Variants in CNTN5 observed in about 807,000 individuals in gnomAD.
CNTN5 encodes contactin 5.
Under a neutral mutation model 129.1 loss-of-function variants are expected in CNTN5, and 77 were observed. The ratio of observed to expected loss-of-function variants is 0.60; its 90% CI spans 0.50 to 0.72. CNTN5 has a LOEUF of 0.72. Ranked by LOEUF, CNTN5 falls within the 30% of genes least tolerant of loss-of-function variation. CNTN5 has a pLI of 0.00. For missense variants in CNTN5, 1,478 were observed against 1,328.8 expected, an observed-to-expected ratio of 1.11 and a Z score of -1.75; for synonymous variants, 509 against 465.6, an observed-to-expected ratio of 1.09 and a Z score of -1.20.
At chr11:99,962,607 G>T (rs948511875) in intron 8 of CNTN5, among the ~76,000 whole-genome samples, 1 of 150,724 alleles carries the variant, frequency 6.6e-6, no homozygotes, top group Non-Finnish European at 1.5e-5. Context: ...GAATAATGCC[G>T]CAATAAACAT....
intron 9 of CNTN5, among the ~76,000 whole-genome samples, chr11:100,005,123 C>T (rs1054204616): frequency 1.3e-5 from 2 of 152,166 alleles, no homozygotes; most frequent in Non-Finnish European, 2.9e-5. Context: ...TTACTTATTC[C>T]TAGTGCCTAC....
chr11:100,230,708 C>T (rs1318350969), intron 16 of CNTN5, among the ~76,000 whole-genome samples: 1 of 152,154 alleles, frequency 6.6e-6, no homozygotes, highest in Non-Finnish European at 1.5e-5. Flanking sequence ...ATACTGAGTG[C>T]CTGCCAAAAG....
At chr11:99,929,720 A>G (rs1477794183) in intron 7 of CNTN5, among the ~76,000 whole-genome samples, 1 of 152,266 alleles carries the variant, frequency 6.6e-6, no homozygotes, top group East Asian at 1.9e-4. Context: ...ATTATCCTCC[A>G]CTGGTTCCCT....
chr11:99,319,138 G>A (rs1565487669), intron 1 of CNTN5, among the ~76,000 whole-genome samples: 1 of 152,310 alleles, frequency 6.6e-6, no homozygotes, highest in African/African-American at 2.4e-5. Flanking sequence ...GCACTGGGTT[G>A]AAGCTTAAAT....
At chr11:99,820,190 T>A (rs79975853) in intron 4 of CNTN5, among the ~76,000 whole-genome samples, 844 of 28,954 alleles carry the variant, frequency 0.029, 5 homozygotes, top group African/African-American at 0.087. Context: ...TTTGTATGCA[T>A]TATTATGTAA....
intron 7 of CNTN5, among the ~76,000 whole-genome samples, chr11:99,938,865 A>T (rs1434451480): frequency 6.6e-6 from 1 of 152,116 alleles, no homozygotes; most frequent in East Asian, 1.9e-4. Context: ...AATAAATGGT[A>T]AAGGAAGGAT....
intron 14 of CNTN5, among the ~76,000 whole-genome samples, chr11:100,192,853 C>G (rs1948532463): frequency 6.6e-6 from 1 of 151,964 alleles, no homozygotes; most frequent in Admixed American, 6.6e-5. Flanking sequence ...TTCTACCTTT[C>G]TTTATATATG....
chr11:99,577,823 T>TTTC (rs35420666), intron 3 of CNTN5, among the ~76,000 whole-genome samples: 2 of 147,980 alleles, frequency 1.4e-5, no homozygotes, highest in African/African-American at 2.5e-5. Context: ...AAGATTTTCT[T>TTTC]TTATTATTAT....
At chr11:99,618,297 A>G (rs866924027) in intron 3 of CNTN5, among the ~76,000 whole-genome samples, 40 of 152,328 alleles carry the variant, frequency 2.6e-4, no homozygotes, top group African/African-American at 8.9e-4. Flanking sequence ...AATAGTCTTC[A>G]TGAAATTCTT....
intron 9 of CNTN5, among the ~76,000 whole-genome samples, chr11:100,019,551 T>C (rs1713504494): frequency 6.6e-6 from 1 of 151,960 alleles, no homozygotes; most frequent in Non-Finnish European, 1.5e-5. Context: ...TGAATAATAT[T>C]CCATTATGTA....
Position 99,839,125 on chromosome 11 carries a change from A to G in CNTN5, c.278-5727A>G, listed in dbSNP as rs118152375. On this transcript the variant is annotated intron_variant, in intron 4 of 24. Transcript: ENST00000524871. Reference sequence around the variant, plus strand: ...TTGAAATACAATTAAAACAAACAAGATTAAAAAGGAGGCATGAAAAGGTTA... The same window carrying G: ...TTGAAATACAATTAAAACAAACAAGGTTAAAAAGGAGGCATGAAAAGGTTA... Among the ~76,000 whole-genome samples the G allele has an allele frequency of 6.3e-3, 967 of 152,298 alleles. 5 individuals carry two copies. The highest frequency in any genetic ancestry group is 0.01 in the Non-Finnish European group (694 of 68,024).
At position 100,330,595 on chromosome 11, in the gene CNTN5, G is replaced by GA. The variant is rs1951887115; in HGVS notation, c.2731-9866dup. ...GAGGCAAAAGCATCAGGTAACCTATGAAGGAAAACCTATCAGAGCAACAGC... is the reference window on the plus strand; with the variant it reads ...GAGGCAAAAGCATCAGGTAACCTATGAAAGGAAAACCTATCAGAGCAACAGC... On this transcript the variant is annotated intron_variant, in intron 21 of 24. Coordinates refer to ENST00000524871, the MANE Select transcript of CNTN5 (RefSeq NM_014361.4). 4.6e-5 allele frequency among the ~76,000 whole-genome samples: 7 copies of GA among 152,246 alleles called. No homozygotes were observed. The South Asian group carries it at 1.4e-3, about 32-fold the overall frequency.
At chr11:99,421,692 T>C (rs1942895697) in intron 2 of CNTN5, among the ~76,000 whole-genome samples, 1 of 152,114 alleles carries the variant, frequency 6.6e-6, no homozygotes, top group African/African-American at 2.4e-5. Context: ...AAATATACAT[T>C]TAGGGGTAAT....
intron 9 of CNTN5, among the ~76,000 whole-genome samples, chr11:100,035,480 A>G (rs1941941231): frequency 1.4e-5 from 2 of 147,044 alleles, no homozygotes; most frequent in African/African-American, 2.6e-5. Flanking sequence ...CTTTGGGTAT[A>G]TACCCAGTAA....
intron 13 of CNTN5, among the ~76,000 whole-genome samples, chr11:100,099,026 G>A (rs759549398): frequency 1.1e-4 from 16 of 151,970 alleles, no homozygotes; most frequent in Non-Finnish European, 2.4e-4. Context: ...AAAGACAAGT[G>A]GGAAAAACTG....
At chr11:100,286,328 A>T (rs1470759418) in intron 18 of CNTN5, among the ~76,000 whole-genome samples, 6 of 152,126 alleles carry the variant, frequency 3.9e-5, no homozygotes, top group Non-Finnish European at 8.8e-5. Context: ...AAAAGACAGC[A>T]GGAACCTCTG....
At chr11:99,037,576 C>CTTTTTTTTTTTTTTT (rs1161467398) in intron 1 of CNTN5, among the ~76,000 whole-genome samples, 36 of 105,578 alleles carry the variant, frequency 3.4e-4, no homozygotes, top group Non-Finnish European at 4.5e-4. Context: ...TTTTTCTTTT[C>CTTTTTTTTTTTTTTT]TTTTTTTTTT....
intron 13 of CNTN5, among the ~76,000 whole-genome samples, chr11:100,075,943 A>G (rs954991472): frequency 2.6e-5 from 4 of 152,008 alleles, no homozygotes; most frequent in Non-Finnish European, 5.9e-5. Context: ...CTGGGGTATC[A>G]TGTTCTGAGC....
In CNTN5 at chr11:99,625,307, C is replaced by CT. The variant is rs947704794; in HGVS notation, c.55+69039dup. ...AGTGAGCAAACAACTTTTGTTACCT[C>CT]TAAGTCACTAAGCCTCAAAGCAATT... On this transcript the variant is annotated intron_variant, in intron 3 of 24. Transcript: ENST00000524871. Among the ~76,000 whole-genome samples, 5 of 152,062 alleles carry CT rather than the reference C, an allele frequency of 3.3e-5. No individual in the cohort carries two copies. The East Asian group carries it at 9.7e-4, about 29-fold the overall frequency.
Sources: allele counts gnomAD v4.1 joint callset (sites outside exome capture counted in the v4.1 genomes callset), GRCh38; gene constraint gnomAD v4.1.1; transcripts MANE v1.5; gene names NCBI Gene and HGNC (gene_info 2026-07-23, HGNC 2026-07-21).